The following EHBP1 variants were observed in gnomAD, a reference collection of about 807,000 sequenced individuals.
EHBP1 encodes EH domain-binding protein 1.
A neutral mutation model predicts 144.0 loss-of-function variants in EHBP1; 55 were observed. The observed-to-expected ratio is 0.38, with a 90% CI of 0.31 to 0.48. The LOEUF (loss-of-function observed/expected upper bound fraction) is 0.48, where lower values mean the gene tolerates loss of function less well. Ranked by LOEUF, EHBP1 falls within the 20% of genes least tolerant of loss-of-function variation. EHBP1 has a pLI of 0.98. For missense variants in EHBP1, 1,200 were observed against 1,364.2 expected (o/e 0.88, Z 1.90); for synonymous variants, 469 against 472.7 (o/e 0.99, Z 0.10).
chr2:62,921,468 T>C (rs1574065337), intron 10 of EHBP1, among the ~76,000 whole-genome samples: 1 of 142,438 alleles, frequency 7.0e-6, no homozygotes. Context: ...AAAAAAGTAA[T>C]CCCCATGATA....
At chr2:62,924,859 G>C (rs1405487052) in intron 10 of EHBP1, among the ~76,000 whole-genome samples, 1 of 152,116 alleles carries the variant, frequency 6.6e-6, no homozygotes, top group Non-Finnish European at 1.5e-5. Context: ...TATGAGGCCA[G>C]CATAACATTG....
rs186383786 is a variant in EHBP1 at position 62,990,981 on chromosome 2, G to A, written c.2733+141G>A. On this transcript the variant is annotated intron_variant, in intron 16 of 22. Transcript: ENST00000431489. ...GGGTATAAGAAATTTTTACTGGTGA[G>A]GTGTGGTGGCTCATGCCTGCAAGTC... 857 of 1,065,480 alleles carry A rather than the reference G, an allele frequency of 8.0e-4. 7 individuals carry two copies. The African/African-American group carries it at 0.012, about 15-fold the overall frequency. The allele number at this position is 1,065,480 out of a possible 1,614,324, so 66.0% of individuals were successfully genotyped here.
intron 10 of EHBP1, among the ~76,000 whole-genome samples, chr2:62,887,956 T>C (rs1193705823): frequency 6.6e-6 from 1 of 152,224 alleles, no homozygotes; most frequent in Non-Finnish European, 1.5e-5. Context: ...AACATAGAAT[T>C]ACTGGTGAGG....
At chr2:62,780,192 GA>G (rs949541829) in intron 5 of EHBP1, among the ~76,000 whole-genome samples, 2 of 150,388 alleles carry the variant, frequency 1.3e-5, no homozygotes, top group African/African-American at 2.4e-5. Context: ...TTTCTACAAA[GA>G]AAAAAAAATT....
At chr2:62,782,015 C>T (rs141411404) in intron 5 of EHBP1, among the ~76,000 whole-genome samples, 154 of 152,270 alleles carry the variant, frequency 1.0e-3, no homozygotes, top group African/African-American at 3.2e-3. Flanking sequence ...TTAAGTGACA[C>T]GCCCAAGAAC....
At chr2:62,996,409 T>C (rs2059628262) in intron 18 of EHBP1, among the ~76,000 whole-genome samples, 1 of 152,198 alleles carries the variant, frequency 6.6e-6, no homozygotes, top group South Asian at 2.1e-4. Flanking sequence ...CAAATCTGCC[T>C]GTGAAATTCT....
At position 62,993,778 on chromosome 2, in the gene EHBP1, A is replaced by G. The variant is rs2059515568; in HGVS notation, c.2873-93A>G. The G allele has an allele frequency of 6.3e-6, 6 of 959,122 alleles. No individual in the cohort carries two copies. In the East Asian group the frequency reaches 1.7e-4, roughly 27 times the overall value. The allele number at this position is 959,122 out of a possible 1,614,324, so 59.4% of individuals were successfully genotyped here. A position where few individuals can be genotyped will look rare whatever the true frequency, so the allele number is the denominator to read the frequency against. On this transcript the variant is annotated intron_variant, in intron 17 of 22. Transcript: ENST00000431489. The stretch of plus-strand genomic sequence containing the variant: ...TATATAGCATATATATATAGTATAT[A>G]TGTATATAATCTGGTAATGTAAATT...
rs903752047 is a variant in EHBP1, at chr2:62,872,104, G to A, written c.999-2242G>A. 11 of 152,160 alleles carry A rather than the reference G, an allele frequency of 7.2e-5. No individual in the cohort carries two copies. In the South Asian group the frequency reaches 2.3e-3, roughly 32 times the overall value. 9.4% of individuals were successfully genotyped at this position (152,160 alleles called of 1,614,324 possible). On this transcript the variant is annotated intron_variant, in intron 9 of 22. Coordinates refer to ENST00000431489, the MANE Select transcript of EHBP1 (RefSeq NM_001142616.3). ...AGAAACATAGATATCAAGGTGAGAG[G>A]AAGAGACTATTCCTTAGCTTCATTT...
intron 5 of EHBP1, among the ~76,000 whole-genome samples, chr2:62,780,627 TA>T (rs1558658291): frequency 6.6e-6 from 1 of 152,084 alleles, no homozygotes; most frequent in African/African-American, 2.4e-5. Flanking sequence ...TTGTTGCACT[TA>T]AAAAAAGAGG....
chr2:62,927,804 C>T (rs915621543), intron 10 of EHBP1, among the ~76,000 whole-genome samples: 1 of 152,124 alleles, frequency 6.6e-6, no homozygotes, highest in Non-Finnish European at 1.5e-5. Context: ...ACAGAATGCA[C>T]ATTTTCCCAA....
chr2:62,766,828 A>T (rs2041227899), intron 4 of EHBP1, among the ~76,000 whole-genome samples: 1 of 152,090 alleles, frequency 6.6e-6, no homozygotes, highest in African/African-American at 2.4e-5. Context: ...ATTTGGATTT[A>T]GAACTACTGT....
At chr2:62,741,092 C>A (rs1355594511) in intron 2 of EHBP1, among the ~76,000 whole-genome samples, 2 of 152,066 alleles carry the variant, frequency 1.3e-5, no homozygotes, top group African/African-American at 2.4e-5. Flanking sequence ...CACTCAGGGG[C>A]CCAGGCTACT....
At chr2:62,825,793 CT>C (rs1405385776) in intron 5 of EHBP1, among the ~76,000 whole-genome samples, 1 of 152,036 alleles carries the variant, frequency 6.6e-6, no homozygotes, top group Non-Finnish European at 1.5e-5. Flanking sequence ...ACCCTGGAGA[CT>C]TTCTGTCCTA....
chr2:62,736,531 G>T (rs531643080), intron 2 of EHBP1, among the ~76,000 whole-genome samples: 16 of 151,948 alleles, frequency 1.1e-4, no homozygotes, highest in Non-Finnish European at 1.9e-4. Flanking sequence ...GCCCCTCTTT[G>T]ATTTTTAATT....
chr2:62,871,171 G>T (rs557104282), intron 9 of EHBP1, among the ~76,000 whole-genome samples: 3 of 152,198 alleles, frequency 2.0e-5, no homozygotes, highest in Non-Finnish European at 4.4e-5. Context: ...CAAACTTTAA[G>T]TACAGGCATT....
intron 14 of EHBP1, among the ~76,000 whole-genome samples, chr2:62,958,974 A>T (rs1277529083): frequency 6.6e-6 from 1 of 152,200 alleles, no homozygotes; most frequent in Non-Finnish European, 1.5e-5. Context: ...GCAGGTCTGC[A>T]TTACTTATTC....
intron 14 of EHBP1, among the ~76,000 whole-genome samples, chr2:62,965,485 A>G (rs539567572): frequency 4.6e-5 from 7 of 152,338 alleles, no homozygotes; most frequent in Non-Finnish European, 7.3e-5. Flanking sequence ...CAAAGTAGAT[A>G]TTCCCATACT....
chr2:62,677,501 A>G (rs900975478), intron 1 of EHBP1, among the ~76,000 whole-genome samples: 3 of 152,124 alleles, frequency 2.0e-5, no homozygotes, highest in Non-Finnish European at 4.4e-5. Context: ...CAAACAATCC[A>G]ATTATACTCT....
chr2:63,011,506 A>G (rs539464474), intron 19 of EHBP1, among the ~76,000 whole-genome samples: 1 of 151,988 alleles, frequency 6.6e-6, no homozygotes. Flanking sequence ...TAAAGATTAG[A>G]AAATTGTTAA....
Sources: gnomAD v4.1 joint callset for allele counts (sites outside exome capture counted in the v4.1 genomes callset) on GRCh38, gnomAD v4.1.1 for gene constraint, MANE v1.5 for transcripts, NCBI Gene and HGNC (gene_info 2026-07-23, HGNC 2026-07-21) for gene names.